VWA2: variants seen among roughly 807,000 people sequenced by gnomAD.
The protein encoded by VWA2 is von Willebrand factor A domain-containing protein 2.
Under a neutral mutation model 70.4 loss-of-function variants are expected in VWA2, and 73 were observed. The observed-to-expected ratio is 1.04, with a 90% CI of 0.86 to 1.26. VWA2 has a LOEUF of 1.26. VWA2 is among the 50% of genes most tolerant of loss of function. VWA2 has a pLI of 0.00. For missense variants in VWA2, 1,011 were observed against 998.5 expected (o/e 1.01, Z -0.17); for synonymous variants, 407 against 423.3 (o/e 0.96, Z 0.47).
At chr10:114,241,292 T>G (rs895344953) in intron 1 of VWA2, among the ~76,000 whole-genome samples, 1 of 152,180 alleles carries the variant, frequency 6.6e-6, no homozygotes, top group African/African-American at 2.4e-5. Flanking sequence ...TTTGGACAAA[T>G]GTAAAATGAC....
At chr10:114,278,653 C>T (rs966113332) in intron 7 of VWA2, 66 bp from the exon 8 acceptor site, 16 of 1,593,878 alleles carry the variant, frequency 1.0e-5, no homozygotes, top group Admixed American at 1.7e-5. Context: ...GCTGGGGAAG[C>T]GTGTGTGGCA....
rs1564742255 is a variant in VWA2, at chr10:114,286,389, T to C, written c.1448T>C (p.Val483Ala). 1 of 1,613,914 alleles carries C rather than the reference T, an allele frequency of 6.2e-7. No individual in the cohort carries two copies. ...LLLLGVGSEA[V>A]RAELEEITGS... is the part of the protein sequence containing the mutation. ...CTGCTGGGTGTAGGCAGTGAGGCCGTGCGGGCAGAGCTGGAGGAGATCACA... is the reference window on the plus strand; with the variant it reads ...CTGCTGGGTGTAGGCAGTGAGGCCGCGCGGGCAGAGCTGGAGGAGATCACA... Residue 483 changes from valine to alanine, a missense_variant, in exon 11 of 14, where the codon GTG becomes GCG. Val to Ala is a moderately conservative substitution (Grantham distance 64, BLOSUM62 0). Transcript: ENST00000392982.
chr10:114,261,437 C>T (rs1267662293), intron 5 of VWA2, 142 bp downstream of exon 5: 4 of 556,150 alleles, frequency 7.2e-6, no homozygotes, highest in Non-Finnish European at 1.3e-5. Flanking sequence ...CAGTTGGTCA[C>T]ATGAATTCCA....
rs368482837 is a variant in VWA2 at position 114,264,578 on chromosome 10, C to T, written c.371+3283C>T. On this transcript the variant is annotated intron_variant, in intron 5 of 13. Transcript: ENST00000392982. ...GACTGTGGGTGCCCGCCACCACGCC[C>T]GGCTAATTTTTTTTGTATTTTTAGT... 2.5e-3 allele frequency among the ~76,000 whole-genome samples: 373 copies of T among 151,476 alleles called. 1 individual carries two copies. Among genetic ancestry groups the T allele is most frequent in the African/African-American group, 7.4e-3 (305 of 41,274 alleles).
chr10:114,240,181 G>A (rs2036951120), intron 1 of VWA2, among the ~76,000 whole-genome samples: 1 of 152,182 alleles, frequency 6.6e-6, no homozygotes, highest in Non-Finnish European at 1.5e-5. Flanking sequence ...GAAGTCCAGG[G>A]GTTTGTCGTT....
chr10:114,257,480 A>G (rs2037355437), intron 4 of VWA2, among the ~76,000 whole-genome samples: 1 of 152,208 alleles, frequency 6.6e-6, no homozygotes, highest in South Asian at 2.1e-4. Flanking sequence ...ATGGATTATT[A>G]ATGCATGTTT....
At chr10:114,276,623 CAAGTAGCTG>C (rs939250776) in intron 6 of VWA2, among the ~76,000 whole-genome samples, 5 of 151,908 alleles carry the variant, frequency 3.3e-5, no homozygotes, top group African/African-American at 9.7e-5. Context: ...CTCAGCCACC[CAAGTAGCTG>C]AAGTAGCTGG....
chr10:114,265,204 T>C (rs954914700), intron 5 of VWA2, among the ~76,000 whole-genome samples: 1 of 152,220 alleles, frequency 6.6e-6, no homozygotes, highest in African/African-American at 2.4e-5. Flanking sequence ...GTGAATATAC[T>C]AAATATCACT....
At chr10:114,272,639 T>C in intron 5 of VWA2, 101 bp from the exon 6 acceptor site, 4 of 1,078,998 alleles carry the variant, frequency 3.7e-6, no homozygotes, top group Non-Finnish European at 5.3e-6. Context: ...AAGCTACCTT[T>C]CGCTAATAAC....
Position 114,291,311 on chromosome 10 carries a change from A to T in VWA2, c.*74A>T. The T allele has an allele frequency of 1.4e-6, 2 of 1,472,058 alleles. No individual in the cohort carries two copies. The highest frequency in any genetic ancestry group is 1.8e-6 in the Non-Finnish European group (2 of 1,098,086). 91.2% of individuals were successfully genotyped at this position (1,472,058 alleles called of 1,614,324 possible). The stretch of plus-strand genomic sequence containing the variant: ...ACTACAGAGAAGGCCTGGGCACTGA[A>T]ATGGTGCCTACCTTCTGGAATGTCT... On this transcript the variant is annotated 3_prime_UTR_variant, in exon 14 of 14. Coordinates refer to ENST00000392982, the MANE Select transcript of VWA2 (RefSeq NM_001272046.2).
intron 5 of VWA2, among the ~76,000 whole-genome samples, chr10:114,269,307 G>A (rs988018193): frequency 1.2e-4 from 18 of 152,306 alleles, no homozygotes; most frequent in Non-Finnish European, 2.2e-4. Flanking sequence ...TGGGCCAGGC[G>A]TGGTGGCCCA....
At position 114,291,834 on chromosome 10, in the gene VWA2, C is replaced by T. The variant is rs1037313270; in HGVS notation, c.*597C>T. ...GACTGCCTTTTGTGTGTGGAAGAGA[C>T]TTGGAAAGGTCTCAGACTGAAATGT... On this transcript the variant is annotated 3_prime_UTR_variant, in exon 14 of 14. Transcript: ENST00000392982. Among the ~76,000 whole-genome samples, 2 of 152,160 alleles carry T rather than the reference C, an allele frequency of 1.3e-5. No individual in the cohort carries two copies. The highest frequency in any genetic ancestry group is 2.9e-5 in the Non-Finnish European group (2 of 68,032).
chr10:114,278,678 C>T (rs2037908784), intron 7 of VWA2, 41 bp from the exon 8 acceptor site: 1 of 1,607,432 alleles, frequency 6.2e-7, no homozygotes, highest in African/African-American at 1.3e-5. Context: ...GAGGTGGAAC[C>T]CTGTCTCCTC....
At chr10:114,265,884 A>T (rs1376818682) in intron 5 of VWA2, among the ~76,000 whole-genome samples, 2 of 152,222 alleles carry the variant, frequency 1.3e-5, no homozygotes, top group African/African-American at 4.8e-5. Flanking sequence ...GGGGTCACTG[A>T]GGACACTAAA....
intron 8 of VWA2, among the ~76,000 whole-genome samples, chr10:114,279,578 CTG>C (rs775025367): frequency 1.4e-4 from 22 of 152,328 alleles, no homozygotes; most frequent in Non-Finnish European, 2.6e-4. Flanking sequence ...AATCCAAAGA[CTG>C]TTTCTCTGGG....
At chr10:114,276,479 A>AAAACTGAT (rs1357061303) in intron 6 of VWA2, among the ~76,000 whole-genome samples, 1 of 152,086 alleles carries the variant, frequency 6.6e-6, no homozygotes, top group East Asian at 1.9e-4. Context: ...ATAAAGCAAA[A>AAAACTGAT]AAACTGATAC....
chr10:114,257,594 C>T (rs906973295), intron 4 of VWA2, among the ~76,000 whole-genome samples: 1 of 152,150 alleles, frequency 6.6e-6, no homozygotes, highest in African/African-American at 2.4e-5. Context: ...TTTGACTCAG[C>T]CCAGGACTTG....
At chr10:114,262,460 C>T (rs2037465655) in intron 5 of VWA2, among the ~76,000 whole-genome samples, 1 of 152,124 alleles carries the variant, frequency 6.6e-6, no homozygotes, top group South Asian at 2.1e-4. Flanking sequence ...TTGCCCCTTG[C>T]CACTCTGGTC....
intron 5 of VWA2, among the ~76,000 whole-genome samples, chr10:114,271,582 C>T (rs931136743): frequency 1.3e-5 from 2 of 150,096 alleles, no homozygotes; most frequent in Non-Finnish European, 2.9e-5. Context: ...CAGGAGGACT[C>T]ATGTCAGACT....
Sources: gnomAD v4.1 joint callset for allele counts (sites outside exome capture counted in the v4.1 genomes callset) on GRCh38, gnomAD v4.1.1 for gene constraint, MANE v1.5 for transcripts, NCBI Gene and HGNC (gene_info 2026-07-23, HGNC 2026-07-21) for gene names.